Variants in DHRS7B observed in about 807,000 individuals in gnomAD.
The protein encoded by DHRS7B is peroxisomal reductase activating PPAR-gamma.
A neutral mutation model predicts 26.4 loss-of-function variants in DHRS7B; 24 were observed. The observed-to-expected ratio is 0.91, with a 90% CI of 0.66 to 1.28. The LOEUF (loss-of-function observed/expected upper bound fraction) is 1.28, where lower values mean the gene tolerates loss of function less well. DHRS7B is among the 50% of genes most tolerant of loss of function. DHRS7B has a pLI of 0.00. For synonymous variants in DHRS7B, 142 were observed against 166.4 expected, an observed-to-expected ratio of 0.85 and a Z score of 1.13; for missense variants, 368 against 419.4, an observed-to-expected ratio of 0.88 and a Z score of 1.07.
At chr17:21,130,938 C>T (rs1302243084) in intron 1 of DHRS7B, among the ~76,000 whole-genome samples, 1 of 152,174 alleles carries the variant, frequency 6.6e-6, no homozygotes, top group Non-Finnish European at 1.5e-5. Flanking sequence ...CTTCTTGCCA[C>T]CCACCCAGAT....
At chr17:21,128,517 G>A (rs1304514495) in intron 1 of DHRS7B, 1 of 152,346 alleles carries the variant, frequency 6.6e-6, no homozygotes, top group East Asian at 1.9e-4. Flanking sequence ...CTAACACGGT[G>A]AAACCCCGTC....
At position 21,191,131 on chromosome 17, in the gene DHRS7B, A is replaced by G; in HGVS notation, c.956A>G (p.Glu319Gly). The change falls in exon 7 of 7, where the codon GAG becomes GGG. Residue 319 changes from glutamate to glycine, a missense_variant. Coordinates refer to ENST00000395511, the MANE Select transcript of DHRS7B (RefSeq NM_015510.5). Reference protein sequence around the residue: ...FSLMASRARKERKSKNS With the variant: ...FSLMASRARKGRKSKNS ...CTCATGGCCTCCAGGGCCAGAAAAG[A>G]GCGGAAATCCAAGAACTCCTAGTAC... The G allele has an allele frequency of 6.2e-7, 1 of 1,613,742 alleles. No homozygotes were observed. Among genetic ancestry groups the G allele is most frequent in the South Asian group, 1.1e-5 (1 of 91,052 alleles).
intron 1 of DHRS7B, among the ~76,000 whole-genome samples, chr17:21,140,597 A>G (rs1257893172): frequency 6.6e-6 from 1 of 151,636 alleles, no homozygotes; most frequent in Non-Finnish European, 1.5e-5. Context: ...ATAGAAATTT[A>G]CTGGCTTGCA....
At chr17:21,171,741 A>C in intron 1 of DHRS7B, 1 of 543,174 alleles carries the variant, frequency 1.8e-6, no homozygotes, top group Non-Finnish European at 3.4e-6. Context: ...GTGGGTGACT[A>C]TGTCCTAGGC....
intron 2 of DHRS7B, among the ~76,000 whole-genome samples, chr17:21,175,472 A>G (rs958817858): frequency 2.6e-5 from 4 of 152,230 alleles, no homozygotes; most frequent in African/African-American, 9.6e-5. Context: ...TTCATGAACC[A>G]GGAGCTAGGG....
rs1422192337 is a variant in DHRS7B at position 21,178,476 on chromosome 17, A to C, written c.309+134A>C. 8.5e-6 allele frequency: 6 copies of C among 707,160 alleles called. No homozygotes were observed. In the East Asian group the frequency reaches 1.6e-4, roughly 19 times the overall value. The allele number at this position is 707,160 out of a possible 1,614,324, so 43.8% of individuals were successfully genotyped here. A position where few individuals can be genotyped will look rare whatever the true frequency, so the allele number is the denominator to read the frequency against. ...GTCACACTGTCCCAGGGAAGGCAGC[A>C]GGTCTCCATAGCGAACCGGGCCCAC... On this transcript the variant is annotated intron_variant, in intron 3 of 6. Coordinates refer to ENST00000395511, the MANE Select transcript of DHRS7B (RefSeq NM_015510.5).
chr17:21,187,094 G>GATATATATATATATATATATATATAT (rs147554727), intron 5 of DHRS7B, among the ~76,000 whole-genome samples: 13 of 143,128 alleles, frequency 9.1e-5, no homozygotes, highest in African/African-American at 3.4e-4. Flanking sequence ...TGTATTAAAA[G>GATATATATATATATATATATATATAT]ATATATATAT....
chr17:21,145,048 T>C (rs1973611159), intron 1 of DHRS7B, among the ~76,000 whole-genome samples: 1 of 151,822 alleles, frequency 6.6e-6, no homozygotes, highest in African/African-American at 2.4e-5. Flanking sequence ...CTGTAGGCCA[T>C]GCACGGTGGC....
chr17:21,138,095 T>TACACACACACACACACAC (rs1395026542), intron 1 of DHRS7B, among the ~76,000 whole-genome samples: 2 of 81,648 alleles, frequency 2.4e-5, no homozygotes, highest in African/African-American at 1.1e-4. Flanking sequence ...TATATATATA[T>TACACACACACACACACAC]ATATATACAC....
At chr17:21,186,815 G>A (rs527261404) in intron 5 of DHRS7B, among the ~76,000 whole-genome samples, 356 of 152,300 alleles carry the variant, frequency 2.3e-3, no homozygotes, top group Non-Finnish European at 4.3e-3. Flanking sequence ...TCTGTTTCTT[G>A]CAGGTGGAGT....
rs144552685 is a variant in DHRS7B at position 21,153,712 on chromosome 17, G to A, written c.21-18306G>A. Among the ~76,000 whole-genome samples the A allele has an allele frequency of 3.3e-5, 5 of 152,218 alleles. No homozygotes were observed. In the East Asian group the frequency reaches 7.7e-4, roughly 24 times the overall value. On this transcript the variant is annotated intron_variant, in intron 1 of 6. Transcript: ENST00000395511. ...GAAGGTGCCATCTAAGTGTCCTCAC[G>A]TGGCAGACGGGATAGAATGGGTGAA...
At chr17:21,180,497 A>G (rs576853485) in intron 3 of DHRS7B, among the ~76,000 whole-genome samples, 19 of 152,324 alleles carry the variant, frequency 1.2e-4, no homozygotes, top group Middle Eastern at 3.4e-3. Flanking sequence ...TCCCAGCACC[A>G]TTTGTTGAAG....
intron 1 of DHRS7B, among the ~76,000 whole-genome samples, chr17:21,144,733 G>C (rs918618886): frequency 1.3e-5 from 2 of 152,096 alleles, no homozygotes; most frequent in African/African-American, 4.8e-5. Flanking sequence ...CAGAGGAACC[G>C]CTTGAACCCA....
intron 1 of DHRS7B, among the ~76,000 whole-genome samples, chr17:21,156,085 A>C (rs189159840): frequency 8.5e-5 from 13 of 152,300 alleles, no homozygotes; most frequent in Non-Finnish European, 1.5e-5. Flanking sequence ...AATCCAAAGT[A>C]AGCAGAAGAA....
chr17:21,157,133 ATAAT>A (rs1973899799), intron 1 of DHRS7B, among the ~76,000 whole-genome samples: 2 of 152,308 alleles, frequency 1.3e-5, no homozygotes, highest in Admixed American at 6.5e-5. Context: ...ATTCTACCAA[ATAAT>A]TAAGAAAGAA....
At chr17:21,160,780 T>C (rs1973983313) in intron 1 of DHRS7B, among the ~76,000 whole-genome samples, 1 of 152,218 alleles carries the variant, frequency 6.6e-6, no homozygotes, top group Admixed American at 6.5e-5. Flanking sequence ...CAGATGTTTA[T>C]AGCAGCTTTA....
chr17:21,138,493 G>A (rs945949672), intron 1 of DHRS7B, among the ~76,000 whole-genome samples: 5 of 151,678 alleles, frequency 3.3e-5, no homozygotes, highest in Non-Finnish European at 7.4e-5. Context: ...AAAGTGCTGG[G>A]ATTACAGGTG....
chr17:21,144,426 T>C (rs1001326341), intron 1 of DHRS7B, among the ~76,000 whole-genome samples: 3 of 152,188 alleles, frequency 2.0e-5, no homozygotes, highest in Non-Finnish European at 4.4e-5. Flanking sequence ...AGCATTTCAT[T>C]TGTCATGCTG....
chr17:21,138,211 C>CTTCTTT (rs1422122592), intron 1 of DHRS7B, among the ~76,000 whole-genome samples: 8 of 78,224 alleles, frequency 1.0e-4, no homozygotes, highest in African/African-American at 4.7e-4. Flanking sequence ...ATCCCTCCTT[C>CTTCTTT]TTTTTTTTTT....
Sources: gnomAD v4.1 joint callset for allele counts (sites outside exome capture counted in the v4.1 genomes callset) on GRCh38, gnomAD v4.1.1 for gene constraint, MANE v1.5 for transcripts, NCBI Gene and HGNC (gene_info 2026-07-23, HGNC 2026-07-21) for gene names.